Variants in RBFOX1 observed in about 807,000 individuals in gnomAD.
RBFOX1 encodes the protein RNA binding protein fox-1 homolog 1.
Under a neutral mutation model 57.7 loss-of-function variants are expected in RBFOX1, and 8 were observed. The observed-to-expected ratio is 0.14, with a 90% CI of 0.08 to 0.25. The LOEUF is 0.25. Ranked by LOEUF, RBFOX1 falls within the 10% of genes least tolerant of loss-of-function variation. RBFOX1 has a pLI of 1.00. For missense variants in RBFOX1, 611 were observed against 548.5 expected (o/e 1.11, Z -1.14); for synonymous variants, 326 against 222.4 (o/e 1.47, Z -4.15).
intron 1 of RBFOX1, among the ~76,000 whole-genome samples, chr16:6,172,057 A>G (rs2096964524): frequency 1.3e-5 from 2 of 151,958 alleles, no homozygotes; most frequent in Admixed American, 1.3e-4. Flanking sequence ...TCCTGACCTC[A>G]TGATATGCCT....
chr16:6,895,009 C>T (rs1025456484), intron 3 of RBFOX1, among the ~76,000 whole-genome samples: 5 of 152,146 alleles, frequency 3.3e-5, no homozygotes, highest in African/African-American at 4.8e-5. Flanking sequence ...CACTAAACAA[C>T]GTCAGTCTAG....
At chr16:7,214,854 T>C (rs2152809018) in intron 4 of RBFOX1, among the ~76,000 whole-genome samples, 1 of 152,318 alleles carries the variant, frequency 6.6e-6, no homozygotes, top group South Asian at 2.1e-4. Flanking sequence ...TGGGATAGTC[T>C]GGGTGTCTGT....
intron 3 of RBFOX1, among the ~76,000 whole-genome samples, chr16:5,718,087 A>G (rs2051785996): frequency 6.6e-6 from 1 of 152,174 alleles, no homozygotes; most frequent in Non-Finnish European, 1.5e-5. Context: ...GGTGTCATCG[A>G]ATACGATGCA....
At chr16:7,429,772 G>C (rs943975280) in intron 4 of RBFOX1, among the ~76,000 whole-genome samples, 1 of 152,182 alleles carries the variant, frequency 6.6e-6, no homozygotes, top group African/African-American at 2.4e-5. Context: ...ATTTCTTTCT[G>C]TGCTTCCATA....
intron 4 of RBFOX1, among the ~76,000 whole-genome samples, chr16:5,977,445 C>G (rs999644643): frequency 1.3e-5 from 2 of 152,138 alleles, no homozygotes; most frequent in Non-Finnish European, 1.5e-5. Context: ...CCTGTGTGTG[C>G]GGTGCAGGGG....
intron 4 of RBFOX1, among the ~76,000 whole-genome samples, chr16:7,200,116 C>T (rs1326994059): frequency 6.6e-6 from 1 of 152,156 alleles, no homozygotes; most frequent in African/African-American, 2.4e-5. Context: ...ACACATAGCA[C>T]CAACAAAACT....
intron 4 of RBFOX1, among the ~76,000 whole-genome samples, chr16:7,311,823 CG>C (rs911751924): frequency 1.4e-4 from 22 of 152,090 alleles, no homozygotes; most frequent in Admixed American, 1.0e-3. Flanking sequence ...TTTTGAAAAA[CG>C]ATAGTGTTTC....
At chr16:5,868,770 AAAC>A (rs1282042197) in intron 4 of RBFOX1, among the ~76,000 whole-genome samples, 1 of 152,172 alleles carries the variant, frequency 6.6e-6, no homozygotes, top group Middle Eastern at 3.2e-3. Flanking sequence ...GTGAGTTATT[AAAC>A]AACACAAATT....
At chr16:6,535,232 G>C (rs1567591697) in intron 2 of RBFOX1, among the ~76,000 whole-genome samples, 1 of 152,170 alleles carries the variant, frequency 6.6e-6, no homozygotes, top group Non-Finnish European at 1.5e-5. Flanking sequence ...AACTGGGAGA[G>C]TTGGTCACCT....
chr16:7,388,384 T>C (rs2097919783), intron 4 of RBFOX1, among the ~76,000 whole-genome samples: 1 of 152,208 alleles, frequency 6.6e-6, no homozygotes, highest in Admixed American at 6.5e-5. Context: ...ACATAACTAT[T>C]GCTGGGGTGT....
intron 3 of RBFOX1, among the ~76,000 whole-genome samples, chr16:6,665,011 CAT>C (rs1034533895): frequency 1.3e-5 from 2 of 152,118 alleles, no homozygotes; most frequent in Admixed American, 6.5e-5. Context: ...TTTCAATTGT[CAT>C]AGAAAATGAA....
chr16:6,197,109 A>T (rs1355133338), intron 1 of RBFOX1, among the ~76,000 whole-genome samples: 3 of 152,190 alleles, frequency 2.0e-5, no homozygotes, highest in African/African-American at 7.2e-5. Flanking sequence ...AAAGCTTTAT[A>T]TTGGGAGGTT....
At chr16:6,970,139 C>G (rs989827399) in intron 3 of RBFOX1, among the ~76,000 whole-genome samples, 1 of 151,650 alleles carries the variant, frequency 6.6e-6, no homozygotes, top group African/African-American at 2.4e-5. Flanking sequence ...GATGGTGTCA[C>G]TGCATTCCAG....
At chr16:6,061,123 A>G (rs2095680668) in intron 1 of RBFOX1, among the ~76,000 whole-genome samples, 1 of 152,276 alleles carries the variant, frequency 6.6e-6, no homozygotes, top group African/African-American at 2.4e-5. Flanking sequence ...AGTCACCCCT[A>G]GTCCAATCTG....
Position 6,183,683 on chromosome 16 carries a change from A to G in RBFOX1, c.-126-133312A>G, listed in dbSNP as rs72774580. ...ATGTCTAGAAGATCAGAAAGAAGGAACGGCCGGTGTAAAGACACCTGGCTG... is the reference window on the plus strand; with the variant it reads ...ATGTCTAGAAGATCAGAAAGAAGGAGCGGCCGGTGTAAAGACACCTGGCTG... On this transcript the variant is annotated intron_variant, in intron 1 of 15. Transcript: ENST00000550418. Among the ~76,000 whole-genome samples the G allele has an allele frequency of 5.0e-3, 767 of 152,088 alleles. 3 individuals are homozygous for G. Among genetic ancestry groups the G allele is most frequent in the Non-Finnish European group, 8.7e-3 (589 of 67,990 alleles).
At chr16:7,220,625 G>T (rs1324457996) in intron 4 of RBFOX1, among the ~76,000 whole-genome samples, 1 of 152,164 alleles carries the variant, frequency 6.6e-6, no homozygotes, top group Non-Finnish European at 1.5e-5. Flanking sequence ...TCCTCTGGTT[G>T]AGGACTTGTT....
intron 2 of RBFOX1, among the ~76,000 whole-genome samples, chr16:6,637,186 T>C (rs1360956461): frequency 1.3e-5 from 1 of 78,988 alleles, no homozygotes; most frequent in Non-Finnish European, 2.2e-5. Flanking sequence ...TTATATAATA[T>C]ACAATATATA....
Position 6,820,773 on chromosome 16 carries a change from C to G in RBFOX1, c.-16+166123C>G, listed in dbSNP as rs9922159. ...CCTCAAATCGATGCTAAGTCAGAGACTTATTACTGCAAAAGGCCTGTGAAT... is the reference window on the plus strand; with the variant it reads ...CCTCAAATCGATGCTAAGTCAGAGAGTTATTACTGCAAAAGGCCTGTGAAT... On this transcript the variant is annotated intron_variant, in intron 3 of 15. Coordinates refer to ENST00000550418, the MANE Select transcript of RBFOX1 (RefSeq NM_018723.4). Among the ~76,000 whole-genome samples, 94 of 152,218 alleles carry G rather than the reference C, an allele frequency of 6.2e-4. 1 individual carries two copies. The highest frequency in any genetic ancestry group is 2.1e-3 in the African/African-American group (87 of 41,540).
intron 1 of RBFOX1, among the ~76,000 whole-genome samples, chr16:5,448,694 G>C (rs1420420699): frequency 1.3e-5 from 2 of 152,176 alleles, no homozygotes; most frequent in African/African-American, 4.8e-5. Flanking sequence ...CTCAATGTGA[G>C]ATACACCCAC....
Sources: allele counts gnomAD v4.1 joint callset (sites outside exome capture counted in the v4.1 genomes callset), GRCh38; gene constraint gnomAD v4.1.1; transcripts MANE v1.5; gene names NCBI Gene and HGNC (gene_info 2026-07-23, HGNC 2026-07-21).